Variants in OR2F1 observed in about 807,000 individuals in gnomAD.
OR2F1 encodes the protein olfactory receptor 2F1.
For synonymous variants in OR2F1, 146 were observed against 155.3 expected, an observed-to-expected ratio of 0.94 and a Z score of 0.44; for missense variants, 389 against 378.2, an observed-to-expected ratio of 1.03 and a Z score of -0.24.
Position 143,960,929 on chromosome 7 carries a change from T to A in OR2F1, c.*5T>A. 1 of 1,594,122 alleles carries A rather than the reference T, an allele frequency of 6.3e-7. No homozygotes were observed. The highest frequency in any genetic ancestry group is 1.3e-5 in the African/African-American group (1 of 74,596). On this transcript the variant is annotated 3_prime_UTR_variant, in exon 3 of 3. Transcript: ENST00000641412. ...ACATCAAAGCTGGCAACTTGACTCA[T>A]GAGTATGACTTAGAGAAAACAGCTT...
rs2050340676 is a variant in OR2F1 at position 143,962,901 on chromosome 7, G to A, written c.*1977G>A. On this transcript the variant is annotated 3_prime_UTR_variant, in exon 3 of 3. Transcript: ENST00000641412. The stretch of plus-strand genomic sequence containing the variant: ...TAGTGGAAGAAAAGATTAGAGGCAA[G>A]ATGACCAGCCTGTCTGCTGGGTCTG... 2 of 152,234 alleles carry A rather than the reference G, an allele frequency of 1.3e-5. No homozygotes were observed. Among genetic ancestry groups the A allele is most frequent in the Admixed American group, 6.5e-5 (1 of 15,276 alleles). The allele number at this position is 152,234 out of a possible 1,614,324, so 9.4% of individuals were successfully genotyped here.
chr7:143,960,986 G>T lies in OR2F1; in HGVS notation c.*62G>T. 1.5e-6 allele frequency: 2 copies of T among 1,328,154 alleles called. No homozygotes were observed. Among genetic ancestry groups the T allele is most frequent in the Non-Finnish European group, 2.1e-6 (2 of 951,894 alleles). 82.3% of individuals were successfully genotyped at this position (1,328,154 alleles called of 1,614,324 possible). On this transcript the variant is annotated 3_prime_UTR_variant, in exon 3 of 3. Coordinates refer to ENST00000641412, the MANE Select transcript of OR2F1 (RefSeq NM_012369.3). The stretch of plus-strand genomic sequence containing the variant: ...AGTGTTCTCCACCCAGCTGAGATCT[G>T]ACAGGTGTAAACTACATTGCCCTGG...
At position 143,960,094 on chromosome 7, in the gene OR2F1, A is replaced by G. The variant is rs1414926785; in HGVS notation, c.124A>G (p.Asn42Asp). The G allele has an allele frequency of 3.1e-6, 5 of 1,613,942 alleles. No homozygotes were observed. In the South Asian group the frequency reaches 5.5e-5, roughly 18 times the overall value. Residue 42 changes from asparagine to aspartate, a missense_variant, in exon 3 of 3, where the codon AAC (asparagine) becomes GAC (aspartate). Transcript: ENST00000641412. Reference protein sequence around the residue: ...LVMYVVTVLGNCLIVLLIRLD... With the variant: ...LVMYVVTVLGDCLIVLLIRLD... ...CATGTATGTGGTGACCGTGCTGGGG[A>G]ACTGTCTCATTGTCCTTCTGATCAG...
chr7:143,963,774 A>T lies in OR2F1; in HGVS notation c.*2850A>T, dbSNP rs2116941193. The stretch of plus-strand genomic sequence containing the variant: ...AGGAAGCATCCAGCACAGGAGAAAG[A>T]TAGAGGCCAGAAGACTCAGGCAATC... On this transcript the variant is annotated 3_prime_UTR_variant, in exon 3 of 3. Transcript: ENST00000641412. The T allele has an allele frequency of 6.6e-6, 1 of 152,214 alleles. No individual in the cohort carries two copies. Among genetic ancestry groups the T allele is most frequent in the East Asian group, 1.9e-4 (1 of 5,188 alleles). The allele number at this position is 152,214 out of a possible 1,614,324, so 9.4% of individuals were successfully genotyped here.
chr7:143,961,364 T>C lies in OR2F1; in HGVS notation c.*440T>C, dbSNP rs1364823087. On this transcript the variant is annotated 3_prime_UTR_variant, in exon 3 of 3. Transcript: ENST00000641412. ...TTGAAGACTCACTTTAAATAATTTG[T>C]AGTGTATGTCATCACATGCAGTAAT... is the stretch of plus-strand genomic sequence containing the variant. 1 of 165,082 alleles carries C rather than the reference T, an allele frequency of 6.1e-6. No individual in the cohort carries two copies. Among genetic ancestry groups the C allele is most frequent in the African/African-American group, 2.4e-5 (1 of 41,620 alleles). The allele number at this position is 165,082 out of a possible 1,614,324, so 10.2% of individuals were successfully genotyped here.
intron 1 of OR2F1, among the ~76,000 whole-genome samples, chr7:143,956,556 A>C (rs2050287385): frequency 6.6e-6 from 1 of 152,184 alleles, no homozygotes; most frequent in Non-Finnish European, 1.5e-5. Flanking sequence ...ACAAGGCATG[A>C]TAATAAATGC....
In OR2F1 at chr7:143,963,021, C is replaced by T. The variant is rs1330774308; in HGVS notation, c.*2097C>T. ...AAGTGGTGTCATTTAAAAGTGATGT[C>T]AGCTAAAACACTTCATCTCCCAGAT... On this transcript the variant is annotated 3_prime_UTR_variant, in exon 3 of 3. Transcript: ENST00000641412. 2 of 152,154 alleles carry T rather than the reference C, an allele frequency of 1.3e-5. No homozygotes were observed. The highest frequency in any genetic ancestry group is 2.4e-5 in the African/African-American group (1 of 41,448). 9.4% of individuals were successfully genotyped at this position (152,154 alleles called of 1,614,324 possible).
At chr7:143,958,438 T>C (rs1226853148) in intron 1 of OR2F1, among the ~76,000 whole-genome samples, 1 of 152,070 alleles carries the variant, frequency 6.6e-6, no homozygotes, top group African/African-American at 2.4e-5. Flanking sequence ...AGGAGGACAT[T>C]AGGGAGAGTT....
rs1338150365 is a variant in OR2F1 at position 143,963,751 on chromosome 7, G to A, written c.*2827G>A. On this transcript the variant is annotated 3_prime_UTR_variant, in exon 3 of 3. Coordinates refer to ENST00000641412, the MANE Select transcript of OR2F1 (RefSeq NM_012369.3). ...AGTGGAGTCTGATGTTTAAGGTCAG[G>A]AAGCATCCAGCACAGGAGAAAGATA... is the stretch of plus-strand genomic sequence containing the variant. 2.0e-5 allele frequency: 3 copies of A among 152,178 alleles called. No individual in the cohort carries two copies. Among genetic ancestry groups the A allele is most frequent in the African/African-American group, 7.2e-5 (3 of 41,444 alleles). 9.4% of individuals were successfully genotyped at this position (152,178 alleles called of 1,614,324 possible).
At position 143,961,093 on chromosome 7, in the gene OR2F1, G is replaced by A. The variant is rs966646036; in HGVS notation, c.*169G>A. Reference sequence around the variant, plus strand: ...GGTTCAATTGGATGGGGTGTGGGACGTGGGGTTATATTTATGAACAGTGGA... The same window carrying A: ...GGTTCAATTGGATGGGGTGTGGGACATGGGGTTATATTTATGAACAGTGGA... On this transcript the variant is annotated 3_prime_UTR_variant, in exon 3 of 3. Transcript: ENST00000641412. 50 of 605,442 alleles carry A rather than the reference G, an allele frequency of 8.3e-5. No homozygotes were observed. Among genetic ancestry groups the A allele is most frequent in the African/African-American group, 5.4e-4 (29 of 53,886 alleles). 37.5% of individuals were successfully genotyped at this position (605,442 alleles called of 1,614,324 possible). A position where few individuals can be genotyped will look rare whatever the true frequency, so the allele number is the denominator to read the frequency against.
intron 1 of OR2F1, among the ~76,000 whole-genome samples, chr7:143,956,389 G>A (rs558649530): frequency 1.3e-5 from 2 of 152,106 alleles, no homozygotes; most frequent in African/African-American, 4.8e-5. Flanking sequence ...TCTAACATCA[G>A]TCCATAAACA....
chr7:143,955,934 T>G (rs1224295294), intron 1 of OR2F1, among the ~76,000 whole-genome samples: 1 of 152,168 alleles, frequency 6.6e-6, no homozygotes, highest in Non-Finnish European at 1.5e-5. Context: ...AAAGTCACAC[T>G]TGTACACCAC....
chr7:143,962,817 TAGA>T lies in OR2F1; in HGVS notation c.*1896_*1898del, dbSNP rs1220200948. The T allele has an allele frequency of 6.6e-6, 1 of 152,192 alleles. No homozygotes were observed. The highest frequency in any genetic ancestry group is 2.1e-4 in the South Asian group (1 of 4,828). 9.4% of individuals were successfully genotyped at this position (152,192 alleles called of 1,614,324 possible). On this transcript the variant is annotated 3_prime_UTR_variant, in exon 3 of 3. Coordinates refer to ENST00000641412, the MANE Select transcript of OR2F1 (RefSeq NM_012369.3). ...AAAACAATAGTCCGTCAAAAATTTT[TAGA>T]AGGAGTATAGATTGAAAACAATTAC...
rs761591479 is a variant in OR2F1, at chr7:143,959,933, T to C, written c.-23-15T>C. ...TTATTCAACAGCTTCTGTTTTTTTCTGACTCCCTTCACAGATTAATAATCC... is the reference window on the plus strand; with the variant it reads ...TTATTCAACAGCTTCTGTTTTTTTCCGACTCCCTTCACAGATTAATAATCC... On this transcript the variant is annotated splice_polypyrimidine_tract_variant and intron_variant, in intron 2 of 2. Transcript: ENST00000641412. 4 of 1,472,834 alleles carry C rather than the reference T, an allele frequency of 2.7e-6. No homozygotes were observed. The African/African-American group carries it at 5.6e-5, about 21-fold the overall frequency. 91.2% of individuals were successfully genotyped at this position (1,472,834 alleles called of 1,614,324 possible).
rs1789144278 is a variant in OR2F1 at position 143,963,765 on chromosome 7, A to C, written c.*2841A>C. On this transcript the variant is annotated 3_prime_UTR_variant, in exon 3 of 3. Coordinates refer to ENST00000641412, the MANE Select transcript of OR2F1 (RefSeq NM_012369.3). ...TTTAAGGTCAGGAAGCATCCAGCACAGGAGAAAGATAGAGGCCAGAAGACT... is the reference window on the plus strand; with the variant it reads ...TTTAAGGTCAGGAAGCATCCAGCACCGGAGAAAGATAGAGGCCAGAAGACT... 1 of 152,224 alleles carries C rather than the reference A, an allele frequency of 6.6e-6. No individual in the cohort carries two copies. Among genetic ancestry groups the C allele is most frequent in the African/African-American group, 2.4e-5 (1 of 41,450 alleles). The allele number at this position is 152,224 out of a possible 1,614,324, so 9.4% of individuals were successfully genotyped here.
chr7:143,959,957 C>T lies in OR2F1; in HGVS notation c.-14C>T. On this transcript the variant is annotated 5_prime_UTR_variant, in exon 3 of 3. Transcript: ENST00000641412. ...CTGACTCCCTTCACAGATTAATAAT[C>T]CTTGAATATTTTAATGGGAACAGAT... 1 of 1,563,084 alleles carries T rather than the reference C, an allele frequency of 6.4e-7. No individual in the cohort carries two copies. The highest frequency in any genetic ancestry group is 1.2e-5 in the South Asian group (1 of 83,322).
At position 143,957,408 on chromosome 7, in the gene OR2F1, T is replaced by G. The variant is rs144160319; in HGVS notation, c.-179-1545T>G. On this transcript the variant is annotated intron_variant, in intron 1 of 2. Transcript: ENST00000641412. Reference sequence around the variant, plus strand: ...TATCTCTGGAACTGATGATGGCAGGTTATCAGTAACCTTTAAGTTTTCAAA... The same window carrying G: ...TATCTCTGGAACTGATGATGGCAGGGTATCAGTAACCTTTAAGTTTTCAAA... Among the ~76,000 whole-genome samples the G allele has an allele frequency of 2.1e-3, 317 of 152,314 alleles. 2 individuals are homozygous for G. The highest frequency in any genetic ancestry group is 7.3e-3 in the African/African-American group (305 of 41,566).
chr7:143,959,860 G>A, intron 2 of OR2F1, 88 bp from the exon 3 acceptor site: 1 of 827,730 alleles, frequency 1.2e-6, no homozygotes, highest in South Asian at 1.8e-5. Context: ...TACCTGCCTA[G>A]GGCTGGCTGG....
intron 1 of OR2F1, among the ~76,000 whole-genome samples, chr7:143,956,593 T>C (rs1212816044): frequency 6.6e-6 from 1 of 152,116 alleles, no homozygotes; most frequent in Non-Finnish European, 1.5e-5. Flanking sequence ...AAGTTAGTCA[T>C]AGAAGAAGAG....
Sources: gnomAD v4.1 joint callset for allele counts (sites outside exome capture counted in the v4.1 genomes callset) on GRCh38, gnomAD v4.1.1 for gene constraint, MANE v1.5 for transcripts, NCBI Gene and HGNC (gene_info 2026-07-23, HGNC 2026-07-21) for gene names.